The following LAMA2 variants were observed in gnomAD, a reference collection of about 807,000 sequenced individuals.
The protein encoded by LAMA2 is laminin subunit alpha 2, also known as laminin subunit alpha-2.
A neutral mutation model predicts 364.8 loss-of-function variants in LAMA2; 269 were observed. That is an observed-to-expected ratio of 0.74 (90% CI 0.67 to 0.82). LAMA2 has a LOEUF of 0.82. LAMA2 is among the 40% of genes least tolerant of loss of function. The pLI is 0.00. For synonymous variants in LAMA2, 1,379 were observed against 1,370.6 expected (o/e 1.01, Z -0.14); for missense variants, 3,807 against 3,873.2 (o/e 0.98, Z 0.45).
At chr6:129,200,283 T>TAC (rs367975430) in intron 12 of LAMA2, among the ~76,000 whole-genome samples, 1,472 of 94,604 alleles carry the variant, frequency 0.016, 207 homozygotes, top group Non-Finnish European at 0.02. Context: ...TGTATATATA[T>TAC]ACGTGTACAC....
chr6:129,118,268 G>C (rs1776589580), intron 4 of LAMA2, among the ~76,000 whole-genome samples: 1 of 152,132 alleles, frequency 6.6e-6, no homozygotes, highest in Admixed American at 6.5e-5. Context: ...CACTGGATTT[G>C]AAGTAAAAAA....
Position 129,430,318 on chromosome 6 carries a change from A to T in LAMA2, c.5968+2464A>T, listed in dbSNP as rs75585510. On this transcript the variant is annotated intron_variant, in intron 41 of 64. Transcript: ENST00000421865. ...AGGCCAGTATACCCTCCATATTTCT[A>T]ATTTGTTGCTTGGTTCAATTCAGTA... is the stretch of plus-strand genomic sequence containing the variant. Among the ~76,000 whole-genome samples the T allele has an allele frequency of 6.0e-3, 914 of 152,196 alleles. 8 individuals are homozygous for T. The highest frequency in any genetic ancestry group is 0.02 in the African/African-American group (815 of 41,518).
Position 129,454,270 on chromosome 6 carries a change from AC to A in LAMA2, c.6691del (p.Arg2231ValfsTer3). The stretch of plus-strand genomic sequence containing the variant: ...TTGACTATTGATGACTCATATTGGT[AC>A]CGTATCGTAGCATCAAGGTAACCAA... The part of the protein sequence containing the change: ...PDLTIDDSYW[Y>X]RIVASRTGRN... On this transcript the variant is annotated frameshift_variant, in exon 47 of 65. Coordinates refer to ENST00000421865, the MANE Select transcript of LAMA2 (RefSeq NM_000426.4). LOFTEE classifies it high-confidence loss of function. 2 of 1,611,768 alleles carry A rather than the reference AC, an allele frequency of 1.2e-6. No individual in the cohort carries two copies. The highest frequency in any genetic ancestry group is 1.7e-6 in the Non-Finnish European group (2 of 1,178,158).
chr6:129,403,072 G>A (rs1289919416), intron 39 of LAMA2, among the ~76,000 whole-genome samples: 1 of 152,172 alleles, frequency 6.6e-6, no homozygotes, highest in Non-Finnish European at 1.5e-5. Flanking sequence ...ACAGCCTTCT[G>A]TGTATAACTG....
intron 11 of LAMA2, among the ~76,000 whole-genome samples, chr6:129,190,626 C>T (rs1264132042): frequency 6.6e-6 from 1 of 152,150 alleles, no homozygotes; most frequent in Non-Finnish European, 1.5e-5. Flanking sequence ...AAGGTTTCAA[C>T]TCCAAGGGTG....
chr6:129,267,268 C>T (rs752322682), intron 16 of LAMA2, 49 bp downstream of exon 16: 10 of 1,206,280 alleles, frequency 8.3e-6, no homozygotes, highest in Non-Finnish European at 1.1e-5. Context: ...CTGAAATCAC[C>T]TCGACAGATG....
Position 129,315,543 on chromosome 6 carries a change from AG to A in LAMA2, c.3626del (p.Gly1209AlafsTer15). 6.2e-7 allele frequency: 1 copy of A among 1,614,232 alleles called. No homozygotes were observed. The highest frequency in any genetic ancestry group is 8.5e-7 in the Non-Finnish European group (1 of 1,180,024). On this transcript the variant is annotated frameshift_variant, in exon 25 of 65. Coordinates refer to ENST00000421865, the MANE Select transcript of LAMA2 (RefSeq NM_000426.4). LOFTEE classifies it high-confidence loss of function. ...VDEALQHTTT[K>X]GIVFQHPEIV... is the part of the protein sequence containing the mutation. ...GAGGCTCTGCAGCACACGACCACCAAGGGCATTGTTTTTCAACATCCAGAGA... is the reference window on the plus strand; with the variant it reads ...GAGGCTCTGCAGCACACGACCACCAAGGCATTGTTTTTCAACATCCAGAGA...
At chr6:128,958,146 G>C (rs1426889112) in intron 1 of LAMA2, among the ~76,000 whole-genome samples, 2 of 151,842 alleles carry the variant, frequency 1.3e-5, no homozygotes, top group Non-Finnish European at 2.9e-5. Context: ...GTAATCTAAT[G>C]AATCAAAAAC....
intron 4 of LAMA2, among the ~76,000 whole-genome samples, chr6:129,131,839 A>T (rs1052858897): frequency 5.9e-5 from 9 of 152,188 alleles, no homozygotes; most frequent in Admixed American, 4.6e-4. Flanking sequence ...TTTTTAAATG[A>T]TATCTCACCA....
At chr6:129,491,520 C>CT (rs1784861544) in intron 56 of LAMA2, among the ~76,000 whole-genome samples, 1 of 152,184 alleles carries the variant, frequency 6.6e-6, no homozygotes, top group African/African-American at 2.4e-5. Context: ...AAGATAATAG[C>CT]CAGCACAACC....
intron 62 of LAMA2, among the ~76,000 whole-genome samples, chr6:129,509,420 T>C (rs938935129): frequency 1.3e-5 from 2 of 152,172 alleles, no homozygotes; most frequent in Non-Finnish European, 2.9e-5. Context: ...ACTCAGGAAG[T>C]CTTTGCCCAT....
intron 8 of LAMA2, among the ~76,000 whole-genome samples, chr6:129,161,268 C>G (rs1176919468): frequency 6.6e-6 from 1 of 152,014 alleles, no homozygotes; most frequent in Non-Finnish European, 1.5e-5. Context: ...AACTTTCAAC[C>G]TATCTTTATT....
chr6:129,052,305 C>CTTTTTTTTTTTTTTTTTT (rs71272306), intron 2 of LAMA2, among the ~76,000 whole-genome samples: 1 of 131,270 alleles, frequency 7.6e-6, no homozygotes, highest in Non-Finnish European at 1.6e-5. Flanking sequence ...CCGGCTAATT[C>CTTTTTTTTTTTTTTTTTT]TTTTTTTTTT....
At position 129,502,612 on chromosome 6, in the gene LAMA2, A is replaced by C. The variant is rs139797373; in HGVS notation, c.8245-47A>C. 5.2e-5 allele frequency: 61 copies of C among 1,184,148 alleles called. No individual in the cohort carries two copies. In the East Asian group the frequency reaches 1.4e-3, roughly 27 times the overall value. The allele number at this position is 1,184,148 out of a possible 1,614,324, so 73.4% of individuals were successfully genotyped here. A position where few individuals can be genotyped will look rare whatever the true frequency, so the allele number is the denominator to read the frequency against. On this transcript the variant is annotated intron_variant, in intron 58 of 64. Transcript: ENST00000421865. Reference sequence around the variant, plus strand: ...ATTAGACAGCATCATTACCTTTTTAAAGAACAGTCCATAATCTCCTGTTTT... The same window carrying C: ...ATTAGACAGCATCATTACCTTTTTACAGAACAGTCCATAATCTCCTGTTTT...
intron 17 of LAMA2, among the ~76,000 whole-genome samples, chr6:129,276,049 A>G (rs555156319): frequency 6.0e-4 from 92 of 152,276 alleles, no homozygotes; most frequent in African/African-American, 2.1e-3. Flanking sequence ...AGAAGAAAAT[A>G]CTTAGAAACT....
chr6:129,126,786 A>T (rs1436533612), intron 4 of LAMA2, among the ~76,000 whole-genome samples: 1 of 152,234 alleles, frequency 6.6e-6, no homozygotes, highest in Admixed American at 6.5e-5. Flanking sequence ...TATATATTTA[A>T]GATCCGATAG....
At chr6:129,111,499 G>A (rs553292883) in intron 4 of LAMA2, among the ~76,000 whole-genome samples, 24 of 151,766 alleles carry the variant, frequency 1.6e-4, no homozygotes, top group East Asian at 3.9e-4. Flanking sequence ...TTCTAAACCC[G>A]AGCCTACTAC....
chr6:129,271,562 C>T (rs983326387), intron 17 of LAMA2, among the ~76,000 whole-genome samples: 12 of 150,622 alleles, frequency 8.0e-5, no homozygotes, highest in Admixed American at 1.3e-4. Context: ...CTCTGCCTCC[C>T]GGGTTCAAGC....
chr6:129,202,187 C>CAAAAAAAAAAAAAAAAAAAAAAA (rs776190977), intron 12 of LAMA2, among the ~76,000 whole-genome samples: 4 of 62,154 alleles, frequency 6.4e-5, no homozygotes, highest in Non-Finnish European at 9.2e-5. Flanking sequence ...GAGTCTGTCT[C>CAAAAAAAAAAAAAAAAAAAAAAA]AAAAAAAAAA....
Sources: gnomAD v4.1 joint callset for allele counts (sites outside exome capture counted in the v4.1 genomes callset) on GRCh38, gnomAD v4.1.1 for gene constraint, MANE v1.5 for transcripts, NCBI Gene and HGNC (gene_info 2026-07-23, HGNC 2026-07-21) for gene names.